The following ANO10 variants were observed in gnomAD, a reference collection of about 807,000 sequenced individuals.
The protein encoded by ANO10 is anoctamin-10.
Under a neutral mutation model 74.7 loss-of-function variants are expected in ANO10, and 77 were observed. The observed-to-expected ratio is 1.03, with a 90% CI of 0.86 to 1.25. The LOEUF is 1.25. ANO10 is among the 50% of genes most tolerant of loss of function. The pLI, the probability that ANO10 is intolerant of heterozygous loss-of-function variation, is 0.00. For missense variants in ANO10, 721 were observed against 778.1 expected, an observed-to-expected ratio of 0.93 and a Z score of 0.87; for synonymous variants, 279 against 284.9, an observed-to-expected ratio of 0.98 and a Z score of 0.21.
At chr3:43,568,102 G>A (rs1280076010) in intron 7 of ANO10, among the ~76,000 whole-genome samples, 1 of 152,088 alleles carries the variant, frequency 6.6e-6, no homozygotes, top group Non-Finnish European at 1.5e-5. Context: ...ATTACATAAT[G>A]GTAAAGGGAT....
intron 11 of ANO10, among the ~76,000 whole-genome samples, chr3:43,465,161 C>T (rs1017171533): frequency 4.6e-5 from 7 of 152,058 alleles, no homozygotes; most frequent in Admixed American, 4.6e-4. Context: ...TTCAAAGTTT[C>T]AGGATAAAAG....
rs4417841 is a variant in ANO10, at chr3:43,675,321, C to G, written c.-12+16196G>C. Among the ~76,000 whole-genome samples, 4 of 152,196 alleles carry G rather than the reference C, an allele frequency of 2.6e-5. No individual in the cohort carries two copies. The South Asian group carries it at 8.3e-4, about 32-fold the overall frequency. Reference sequence around the variant, plus strand: ...AACACAGGATCCTCAAGACCTCAAGCTAGGCAAAGAGTTCTCAGACTTGAT... The same window carrying G: ...AACACAGGATCCTCAAGACCTCAAGGTAGGCAAAGAGTTCTCAGACTTGAT... On this transcript the variant is annotated intron_variant, in intron 1 of 3. Transcript: ENST00000413397.
At chr3:43,407,122 T>C (rs1273570195) in intron 12 of ANO10, among the ~76,000 whole-genome samples, 1 of 152,202 alleles carries the variant, frequency 6.6e-6, no homozygotes, top group African/African-American at 2.4e-5. Context: ...CAGGCTGGTC[T>C]GGAACTCTTG....
intron 12 of ANO10, among the ~76,000 whole-genome samples, chr3:43,404,234 G>A (rs1191931058): frequency 2.0e-5 from 3 of 152,170 alleles, no homozygotes; most frequent in Non-Finnish European, 4.4e-5. Flanking sequence ...TAAGTGTCAT[G>A]CTGCGAGAGG....
At chr3:43,671,524 T>C (rs2084059451) in intron 1 of ANO10, among the ~76,000 whole-genome samples, 1 of 152,162 alleles carries the variant, frequency 6.6e-6, no homozygotes, top group African/African-American at 2.4e-5. Context: ...TGGAAAACCA[T>C]TTAGCACAAA....
intron 11 of ANO10, among the ~76,000 whole-genome samples, chr3:43,492,067 G>A (rs1204930919): frequency 6.6e-6 from 1 of 152,102 alleles, no homozygotes; most frequent in Non-Finnish European, 1.5e-5. Context: ...GAGAAACCGA[G>A]CAGAAAGGCT....
intron 12 of ANO10, among the ~76,000 whole-genome samples, chr3:43,418,698 C>T (rs1372979725): frequency 6.6e-6 from 1 of 152,210 alleles, no homozygotes; most frequent in Non-Finnish European, 1.5e-5. Flanking sequence ...TTTATTATCT[C>T]ACACTTCCTG....
At chr3:43,406,905 ATT>A (rs34174829) in intron 12 of ANO10, among the ~76,000 whole-genome samples, 67 of 143,228 alleles carry the variant, frequency 4.7e-4, no homozygotes, top group Admixed American at 1.1e-3. Context: ...CGCAACAGAG[ATT>A]TTTTTTTTTT....
At chr3:43,538,535 G>A (rs2078816988) in intron 11 of ANO10, among the ~76,000 whole-genome samples, 2 of 152,288 alleles carry the variant, frequency 1.3e-5, no homozygotes, top group South Asian at 4.1e-4. Context: ...TACTATGGCA[G>A]CTTTGTAATT....
intron 11 of ANO10, among the ~76,000 whole-genome samples, chr3:43,526,455 G>C (rs1476141263): frequency 1.3e-5 from 2 of 152,138 alleles, no homozygotes; most frequent in African/African-American, 4.8e-5. Context: ...ACTGACCAGG[G>C]AAACAACTGC....
At chr3:43,530,951 G>GCA (rs2078441474) in intron 11 of ANO10, among the ~76,000 whole-genome samples, 1 of 151,908 alleles carries the variant, frequency 6.6e-6, no homozygotes, top group Non-Finnish European at 1.5e-5. Flanking sequence ...TTCTCCTTGG[G>GCA]CACACACAGA....
At chr3:43,622,074 CA>C (rs976592889), upstream of ANO10, 1 of 152,006 alleles carries the variant, frequency 6.6e-6, no homozygotes, top group Non-Finnish European at 1.5e-5. Flanking sequence ...CGGTCACACG[CA>C]GGGGGGCGGG....
chr3:43,630,068 A>C (rs1241903499), intron 1 of ANO10, among the ~76,000 whole-genome samples: 1 of 152,182 alleles, frequency 6.6e-6, no homozygotes, highest in East Asian at 1.9e-4. Flanking sequence ...AATGAGATGC[A>C]AGGTAAACCC....
intron 5 of ANO10, among the ~76,000 whole-genome samples, chr3:43,578,396 A>G (rs2081109709): frequency 6.6e-6 from 1 of 151,992 alleles, no homozygotes; most frequent in Admixed American, 6.6e-5. Flanking sequence ...CCCCAAATCC[A>G]CTACCACCCC....
chr3:43,475,730 C>T (rs1395929430), intron 11 of ANO10, among the ~76,000 whole-genome samples: 4 of 152,148 alleles, frequency 2.6e-5, no homozygotes, highest in African/African-American at 9.7e-5. Flanking sequence ...TCCGGAGCAG[C>T]CGGGATTACA....
chr3:43,681,977 G>A lies in ANO10; in HGVS notation c.-12+9540C>T, dbSNP rs544308279. Among the ~76,000 whole-genome samples the A allele has an allele frequency of 7.9e-5, 12 of 152,202 alleles. No individual in the cohort carries two copies. In the South Asian group the frequency reaches 1.2e-3, roughly 16 times the overall value. On this transcript the variant is annotated intron_variant, in intron 1 of 3. Transcript: ENST00000413397. ...CACTAAATGCCCACAAGAGAAAGCA[G>A]GAAAGATCTAAAATTGACACCCTAA...
intron 11 of ANO10, among the ~76,000 whole-genome samples, chr3:43,511,743 G>A (rs2077515719): frequency 1.3e-5 from 2 of 152,184 alleles, no homozygotes; most frequent in African/African-American, 4.8e-5. Flanking sequence ...TCTCAAGAGA[G>A]AAAATGCTTG....
At chr3:43,542,843 C>T (rs549297491) in intron 11 of ANO10, among the ~76,000 whole-genome samples, 44 of 152,220 alleles carry the variant, frequency 2.9e-4, no homozygotes, top group Non-Finnish European at 5.9e-4. Context: ...AAGTACTCAG[C>T]CCTGTGTTTG....
intron 11 of ANO10, among the ~76,000 whole-genome samples, chr3:43,474,853 T>C (rs963029464): frequency 3.9e-5 from 6 of 152,218 alleles, no homozygotes; most frequent in African/African-American, 1.4e-4. Context: ...AGAGGGGAGT[T>C]TGAAGCTCAG....
Sources: allele counts gnomAD v4.1 joint callset (sites outside exome capture counted in the v4.1 genomes callset), GRCh38; gene constraint gnomAD v4.1.1; transcripts MANE v1.5; gene names NCBI Gene and HGNC (gene_info 2026-07-23, HGNC 2026-07-21).